Variants in TSNARE1 observed in about 807,000 individuals in gnomAD.
TSNARE1 encodes t-SNARE domain containing 1, also known as t-SNARE domain-containing protein 1.
In TSNARE1, 49 loss-of-function variants were observed where a neutral mutation model predicts 62.0. That is an observed-to-expected ratio of 0.79 (90% CI 0.63 to 1.00). The LOEUF is 1.00. Ranked by LOEUF, TSNARE1 falls within the 50% of genes least tolerant of loss-of-function variation. The probability of loss-of-function intolerance (pLI) is 0.00; values close to 1 mark genes in which losing one functional copy is unlikely to be tolerated. For missense variants in TSNARE1, 755 were observed against 700.1 expected (o/e 1.08, Z -0.88); for synonymous variants, 328 against 294.4 (o/e 1.11, Z -1.17).
At position 142,345,767 on chromosome 8, in the gene TSNARE1, T is replaced by A. The variant is rs147772559; in HGVS notation, c.214A>T (p.Ile72Phe). 5 of 1,612,690 alleles carry A rather than the reference T, an allele frequency of 3.1e-6. No individual in the cohort carries two copies. In the South Asian group the frequency reaches 4.4e-5, roughly 14 times the overall value. The change falls in exon 3 of 14, where the codon ATT becomes TTT. Residue 72 changes from isoleucine to phenylalanine, a missense_variant. By Grantham distance (21) the Ile-to-Phe change is conservative (BLOSUM62 0). Coordinates refer to ENST00000524325, the MANE Select transcript of TSNARE1 (RefSeq NM_145003.5). Reference sequence around the variant, plus strand: ...CCTCGCTTCCTGGCCCTTGGGACAATAGGCGTGCCTGCTGGCCCCAGATCA... The same window carrying A: ...CCTCGCTTCCTGGCCCTTGGGACAAAAGGCGTGCCTGCTGGCCCCAGATCA... ...EGDLGPAGTP[I>F]VPRARKRGPG...
chr8:142,217,335 GA>G (rs757909616), intron 13 of TSNARE1, among the ~76,000 whole-genome samples: 1 of 77,204 alleles, frequency 1.3e-5, no homozygotes, highest in East Asian at 5.6e-4. Flanking sequence ...AAGAAAGAAA[GA>G]AAGAAAGAAA....
At chr8:142,359,326 G>C (rs76833876) in intron 1 of TSNARE1, among the ~76,000 whole-genome samples, 6 of 152,076 alleles carry the variant, frequency 3.9e-5, no homozygotes, top group Admixed American at 6.5e-5. Flanking sequence ...CTGCACGCCC[G>C]CTGGAGCCGT....
At position 142,275,857 on chromosome 8, in the gene TSNARE1, C is replaced by T. The variant is rs562408110; in HGVS notation, c.1364-994G>A. 432 of 889,402 alleles carry T rather than the reference C, an allele frequency of 4.9e-4. 3 individuals carry two copies. The highest frequency in any genetic ancestry group is 1.4e-3 in the African/African-American group (69 of 48,834). 55.1% of individuals were successfully genotyped at this position (889,402 alleles called of 1,614,324 possible). A position where few individuals can be genotyped will look rare whatever the true frequency, so the allele number is the denominator to read the frequency against. On this transcript the variant is annotated intron_variant, in intron 11 of 13. Transcript: ENST00000524325. ...GACTGCTGCCAGGCACAGCCTGGCA[C>T]GACTGGCTCTGAGGGAGGAGGGTCC...
chr8:142,365,985 C>T (rs1835521275), intron 1 of TSNARE1: 2 of 427,082 alleles, frequency 4.7e-6, no homozygotes, highest in African/African-American at 2.1e-5. Flanking sequence ...TTTGGCTGAA[C>T]ATTTCCAATG....
At chr8:142,246,929 A>G (rs6985751) in intron 12 of TSNARE1, among the ~76,000 whole-genome samples, 86,605 of 152,154 alleles carry the variant, frequency 0.57, 26,806 homozygotes, top group African/African-American at 0.82. Context: ...TCTGAAAGTG[A>G]CCACAGCACG....
intron 11 of TSNARE1, chr8:142,279,971 C>A: frequency 8.9e-7 from 1 of 1,125,698 alleles, no homozygotes; most frequent in Non-Finnish European, 1.1e-6. Flanking sequence ...GGGCCGCCCT[C>A]CGCCAGCTTC....
chr8:142,269,310 G>A (rs190174266), intron 12 of TSNARE1, among the ~76,000 whole-genome samples: 15 of 152,310 alleles, frequency 9.8e-5, no homozygotes, highest in Admixed American at 7.8e-4. Context: ...TAGTGCAGGA[G>A]CAGGATCAGG....
intron 9 of TSNARE1, among the ~76,000 whole-genome samples, chr8:142,303,104 C>T (rs1251817644): frequency 6.6e-6 from 1 of 152,196 alleles, no homozygotes; most frequent in African/African-American, 2.4e-5. Context: ...GCTCCCCCAG[C>T]GCTCGGGGAC....
At chr8:142,360,882 G>A (rs1303064197) in intron 1 of TSNARE1, among the ~76,000 whole-genome samples, 1 of 152,204 alleles carries the variant, frequency 6.6e-6, no homozygotes, top group Non-Finnish European at 1.5e-5. Context: ...TGGGGCCAGT[G>A]TGGGGGTCTT....
intron 12 of TSNARE1, chr8:142,272,976 T>C (rs1039870254): frequency 7.1e-6 from 7 of 985,336 alleles, no homozygotes; most frequent in Middle Eastern, 5.2e-4. Context: ...TACTCCCTGG[T>C]GGACCCCCTC....
rs80309837 is a variant in TSNARE1, at chr8:142,344,045, C to T, written c.666G>A (p.Thr222=). 0.024 allele frequency: 38,585 copies of T among 1,590,036 alleles called. 596 individuals are homozygous for T. The highest frequency in any genetic ancestry group is 0.058 in the East Asian group (2,593 of 44,382). Residue 222 remains threonine, a synonymous_variant, in exon 4 of 14, where the codon ACG becomes ACA. Coordinates refer to ENST00000524325, the MANE Select transcript of TSNARE1 (RefSeq NM_145003.5). The stretch of plus-strand genomic sequence containing the variant: ...TCTTGGCCACCACCTGCTCCACGGG[C>T]GTGAGAGCCAGGGCCTGGGGCTTGC... ...GSGKPQALAL[T]PVEQVVAKTF...
intron 12 of TSNARE1, among the ~76,000 whole-genome samples, chr8:142,234,093 G>A (rs1251158173): frequency 6.6e-6 from 1 of 152,228 alleles, no homozygotes; most frequent in Non-Finnish European, 1.5e-5. Flanking sequence ...GGAGGCCGGG[G>A]AAGGCTCCAA....
At position 142,315,071 on chromosome 8, in the gene TSNARE1, G is replaced by C; in HGVS notation, c.1006C>G (p.Arg336Gly). ...SCPQERLQQE[R>G]PQLDRLKTQL... Reference sequence around the variant, plus strand: ...GTTTTCAGCCGGTCCAGCTGAGGACGCTCCTGCTGCAGACGCTCCTGCTGC... The same window carrying C: ...GTTTTCAGCCGGTCCAGCTGAGGACCCTCCTGCTGCAGACGCTCCTGCTGC... Residue 336 changes from arginine to glycine, a missense_variant, in exon 8 of 14, where the codon CGT becomes GGT. Arg to Gly is a moderately radical substitution (Grantham distance 125). Transcript: ENST00000524325. 1.2e-6 allele frequency: 2 copies of C among 1,613,898 alleles called. No individual in the cohort carries two copies. Among genetic ancestry groups the C allele is most frequent in the African/African-American group, 1.3e-5 (1 of 74,958 alleles).
chr8:142,266,139 C>T (rs1444317693), intron 12 of TSNARE1, among the ~76,000 whole-genome samples: 1 of 152,158 alleles, frequency 6.6e-6, no homozygotes, highest in African/African-American at 2.4e-5. Context: ...ATTTAACTCC[C>T]CTGCAAATAC....
intron 1 of TSNARE1, among the ~76,000 whole-genome samples, chr8:142,382,214 G>C (rs888551854): frequency 2.0e-5 from 3 of 152,148 alleles, no homozygotes; most frequent in African/African-American, 4.8e-5. Context: ...GCAGTTACAT[G>C]AATCAGTGTT....
intron 6 of TSNARE1, among the ~76,000 whole-genome samples, chr8:142,323,323 G>A (rs187501699): frequency 6.6e-6 from 1 of 152,352 alleles, no homozygotes; most frequent in Non-Finnish European, 1.5e-5. Context: ...CAGCACGGGG[G>A]GCAGCACCAG....
Position 142,224,003 on chromosome 8 carries a change from C to T in TSNARE1, c.*11+5470G>A, listed in dbSNP as rs115584819. On this transcript the variant is annotated intron_variant, in intron 13 of 13. Coordinates refer to ENST00000524325, the MANE Select transcript of TSNARE1 (RefSeq NM_145003.5). Reference sequence around the variant, plus strand: ...GCTTTCTGAAGAGACTGCTCGGGGCCATTTCATCCTCTGAGAGCTATCGGT... The same window carrying T: ...GCTTTCTGAAGAGACTGCTCGGGGCTATTTCATCCTCTGAGAGCTATCGGT... Among the ~76,000 whole-genome samples, 1,427 of 147,400 alleles carry T rather than the reference C, an allele frequency of 9.7e-3. 22 individuals carry two copies. The highest frequency in any genetic ancestry group is 0.033 in the African/African-American group (1,323 of 40,176).
intron 11 of TSNARE1, chr8:142,280,387 G>T (rs937664229): frequency 1.1e-6 from 1 of 943,464 alleles, no homozygotes; most frequent in African/African-American, 1.8e-5. Flanking sequence ...CAGGTTCGGG[G>T]TCACAGGTCA....
In TSNARE1 at chr8:142,249,409, C is replaced by A. The variant is rs559095152; in HGVS notation, c.1447-19830G>T. On this transcript the variant is annotated intron_variant, in intron 12 of 13. Transcript: ENST00000524325. ...GGCCTGGGGCCCAGCCCTGACCCAG[C>A]AGGAGGTGGCTACTAGGAAGGGGGA... 4.6e-5 allele frequency among the ~76,000 whole-genome samples: 7 copies of A among 152,160 alleles called. No homozygotes were observed. In the South Asian group the frequency reaches 1.2e-3, roughly 27 times the overall value.
Sources: gnomAD v4.1 joint callset for allele counts (sites outside exome capture counted in the v4.1 genomes callset) on GRCh38, gnomAD v4.1.1 for gene constraint, MANE v1.5 for transcripts, NCBI Gene and HGNC (gene_info 2026-07-23, HGNC 2026-07-21) for gene names.